Variants in ZNF536 observed in about 807,000 individuals in gnomAD.
ZNF536 encodes the protein zinc finger protein 536.
In ZNF536, 13 loss-of-function variants were observed where a neutral mutation model predicts 84.5. The ratio of observed to expected loss-of-function variants is 0.15; its 90% CI spans 0.10 to 0.24. The LOEUF is 0.24. Among genes scored for constraint, ZNF536 ranks in the 10% least tolerant of loss-of-function variants. ZNF536 has a pLI of 1.00. For missense variants in ZNF536, 1,536 were observed against 1,747.5 expected, an observed-to-expected ratio of 0.88 and a Z score of 2.16; for synonymous variants, 811 against 742.5, an observed-to-expected ratio of 1.09 and a Z score of -1.50.
chr19:30,710,570 G>A lies in ZNF536; in HGVS notation c.170-187G>A, dbSNP rs141310751. Among the ~76,000 whole-genome samples, 453 of 152,282 alleles carry A rather than the reference G, an allele frequency of 3.0e-3. 1 individual carries two copies. Among genetic ancestry groups the A allele is most frequent in the African/African-American group, 0.01 (432 of 41,560 alleles). On this transcript the variant is annotated intron_variant, in intron 1 of 1. Coordinates refer to the ZNF536 transcript ENST00000592773. ...AACAACAACAAAAATATTCAGGGAT[G>A]GGAAGATCTTCTAAATCTTAGCTTA...
intron 1 of ZNF536, among the ~76,000 whole-genome samples, chr19:30,664,225 TCTCTCTCTCTCTCTC>T (rs2050230940): frequency 1.1e-5 from 1 of 92,912 alleles, no homozygotes; most frequent in Non-Finnish European, 2.2e-5. Flanking sequence ...TCTCTCTCTC[TCTCTCTCTCTCTCTC>T]TCTCTCTCTC....
chr19:30,338,720 T>C lies in ZNF536; in HGVS notation c.-119-13648T>C, dbSNP rs182022571. ...ATTTCACAGGGTTGTTGTAAGGATTTGAACTTGGACCCCACCAAGGAGGGG... is the reference window on the plus strand; with the variant it reads ...ATTTCACAGGGTTGTTGTAAGGATTCGAACTTGGACCCCACCAAGGAGGGG... On this transcript the variant is annotated intron_variant, in intron 2 of 5. Transcript: ENST00000585628. 3.3e-3 allele frequency among the ~76,000 whole-genome samples: 495 copies of C among 152,292 alleles called. 1 individual carries two copies. Among genetic ancestry groups the C allele is most frequent in the Middle Eastern group, 0.017 (5 of 294 alleles).
At chr19:30,349,516 G>A (rs2047862304) in intron 2 of ZNF536, among the ~76,000 whole-genome samples, 1 of 152,118 alleles carries the variant, frequency 6.6e-6, no homozygotes, top group African/African-American at 2.4e-5. Flanking sequence ...ATGCCTCGGA[G>A]TCCCACCCAC....
intron 2 of ZNF536, among the ~76,000 whole-genome samples, chr19:30,493,835 A>G (rs1319654992): frequency 6.6e-6 from 1 of 151,376 alleles, no homozygotes; most frequent in African/African-American, 2.4e-5. Context: ...AGCATCAGGG[A>G]GATACGGTGT....
chr19:30,679,327 T>C (rs2050876494), intron 1 of ZNF536, among the ~76,000 whole-genome samples: 1 of 152,188 alleles, frequency 6.6e-6, no homozygotes, highest in South Asian at 2.1e-4. Flanking sequence ...AGCTAGATGA[T>C]GGAGGTGAGG....
intron 1 of ZNF536, among the ~76,000 whole-genome samples, chr19:30,236,529 C>CGGGG (rs145207327): frequency 5.1e-5 from 6 of 117,684 alleles, no homozygotes; most frequent in African/African-American, 1.5e-4. Flanking sequence ...AAAGTTGGGG[C>CGGGG]GGGGGGGGGG....
intron 1 of ZNF536, among the ~76,000 whole-genome samples, chr19:30,390,802 C>T (rs1027721554): frequency 3.9e-5 from 6 of 152,146 alleles, no homozygotes; most frequent in African/African-American, 7.2e-5. Flanking sequence ...TCACCGCCAG[C>T]CCCCGCCCCC....
At chr19:30,378,220 T>C (rs1017123475) in intron 1 of ZNF536, among the ~76,000 whole-genome samples, 9 of 152,204 alleles carry the variant, frequency 5.9e-5, no homozygotes, top group African/African-American at 2.2e-4. Flanking sequence ...TGGAGTGAAG[T>C]GGCACAATCT....
At chr19:30,326,808 T>TG in intron 2 of ZNF536, among the ~76,000 whole-genome samples, 2 of 134,768 alleles carry the variant, frequency 1.5e-5, no homozygotes, top group African/African-American at 5.6e-5. Flanking sequence ...TTTTTTTTTT[T>TG]TTTTTTTTTT....
intron 4 of ZNF536, chr19:30,556,169 T>C (rs1014716997): frequency 2.0e-5 from 3 of 152,246 alleles, no homozygotes; most frequent in Admixed American, 6.5e-5. Flanking sequence ...CCTGCTCTCA[T>C]TTGTACTGTG....
intron 1 of ZNF536, among the ~76,000 whole-genome samples, chr19:30,281,204 T>C (rs896412799): frequency 1.3e-5 from 2 of 152,158 alleles, no homozygotes; most frequent in South Asian, 4.1e-4. Context: ...TACCTCTGGC[T>C]CTAGGAAGTC....
chr19:30,645,291 G>A (rs1382162641), intron 1 of ZNF536, among the ~76,000 whole-genome samples: 2 of 151,992 alleles, frequency 1.3e-5, no homozygotes, highest in African/African-American at 4.8e-5. Flanking sequence ...TGAGTAGATT[G>A]CAAAAATTTT....
Position 30,548,361 on chromosome 19 carries a change from C to T in ZNF536, c.2742C>T (p.Phe914=), listed in dbSNP as rs781726692. 6.2e-7 allele frequency: 1 copy of T among 1,614,024 alleles called. No individual in the cohort carries two copies. Among genetic ancestry groups the T allele is most frequent in the Admixed American group, 1.7e-5 (1 of 60,010 alleles). ...YQSIVSNGVN[F]QGSLQAFMDS... ...GCATTGTGAGCAACGGTGTGAATTT[C>T]CAAGGGTCCTTGCAAGCTTTCATGG... The change falls in exon 4 of 5, where the codon TTC becomes TTT. Residue 914 remains phenylalanine (F), a synonymous_variant. Coordinates refer to ENST00000355537, the MANE Select transcript of ZNF536 (RefSeq NM_014717.3).
intron 2 of ZNF536, chr19:30,352,338 C>T (rs2047957998): frequency 6.6e-6 from 1 of 152,212 alleles, no homozygotes; most frequent in Non-Finnish European, 1.5e-5. Context: ...CACTTTACAT[C>T]ATTTCTTTCT....
intron 1 of ZNF536, among the ~76,000 whole-genome samples, chr19:30,658,819 C>T (rs149384742): frequency 6.6e-6 from 1 of 152,150 alleles, no homozygotes; most frequent in African/African-American, 2.4e-5. Context: ...ACTACAGTGA[C>T]CAGCCCAGAG....
chr19:30,653,166 G>T (rs1283862957), intron 1 of ZNF536, among the ~76,000 whole-genome samples: 1 of 152,186 alleles, frequency 6.6e-6, no homozygotes, highest in African/African-American at 2.4e-5. Context: ...GTTTCTCAAA[G>T]TCTCATGTGC....
chr19:30,500,005 G>A (rs898990161), intron 2 of ZNF536, among the ~76,000 whole-genome samples: 1 of 152,184 alleles, frequency 6.6e-6, no homozygotes, highest in Non-Finnish European at 1.5e-5. Flanking sequence ...AGCCAAGATA[G>A]CATTCCCTCC....
At chr19:30,457,782 C>T (rs960969548) in intron 2 of ZNF536, among the ~76,000 whole-genome samples, 2 of 152,178 alleles carry the variant, frequency 1.3e-5, no homozygotes, top group African/African-American at 2.4e-5. Flanking sequence ...GGAGGGCTCA[C>T]ATTTTATCCA....
chr19:30,442,271 C>T (rs2052088313), intron 1 of ZNF536, among the ~76,000 whole-genome samples: 1 of 152,206 alleles, frequency 6.6e-6, no homozygotes, highest in South Asian at 2.1e-4. Context: ...CTCCCTGGAG[C>T]CATCTGGCTT....
Sources: allele counts gnomAD v4.1 joint callset (sites outside exome capture counted in the v4.1 genomes callset), GRCh38; gene constraint gnomAD v4.1.1; transcripts MANE v1.5; gene names NCBI Gene and HGNC (gene_info 2026-07-23, HGNC 2026-07-21).